Variants in CSGALNACT1 observed in about 807,000 individuals in gnomAD.
The protein encoded by CSGALNACT1 is beta4GalNAcT-1.
Under a neutral mutation model 51.0 loss-of-function variants are expected in CSGALNACT1, and 52 were observed. That is an observed-to-expected ratio of 1.02 (90% CI 0.82 to 1.29). The LOEUF (loss-of-function observed/expected upper bound fraction) is 1.29. CSGALNACT1 is among the 50% of genes most tolerant of loss of function. CSGALNACT1 has a pLI of 0.00. For synonymous variants in CSGALNACT1, 341 were observed against 254.4 expected (o/e 1.34, Z -3.24); for missense variants, 935 against 679.2 (o/e 1.38, Z -4.19).
In CSGALNACT1 at chr8:19,600,044, A is replaced by G. The variant is rs529331823; in HGVS notation, c.-416+1727T>C. Reference sequence around the variant, plus strand: ...TATCCTTCATAGAGCTTGCTCCACCATGGTTCATTCTTGGTCAATTGCTGC... The same window carrying G: ...TATCCTTCATAGAGCTTGCTCCACCGTGGTTCATTCTTGGTCAATTGCTGC... On this transcript the variant is annotated intron_variant, in intron 2 of 9. Transcript: ENST00000454498. Among the ~76,000 whole-genome samples, 3 of 152,234 alleles carry G rather than the reference A, an allele frequency of 2.0e-5. No homozygotes were observed. In the South Asian group the frequency reaches 6.2e-4, roughly 32 times the overall value.
chr8:19,425,611 TC>T (rs1412432747), intron 6 of CSGALNACT1, among the ~76,000 whole-genome samples: 1 of 152,140 alleles, frequency 6.6e-6, no homozygotes, highest in African/African-American at 2.4e-5. Context: ...CTGCTCTCCA[TC>T]CCTTTGTTCG....
chr8:19,531,469 T>G (rs1014442126), intron 3 of CSGALNACT1, among the ~76,000 whole-genome samples: 1 of 152,230 alleles, frequency 6.6e-6, no homozygotes, highest in African/African-American at 2.4e-5. Context: ...TTCATTTATT[T>G]AAGTTCCCTT....
intron 4 of CSGALNACT1, chr8:19,495,033 A>G (rs2075199785): frequency 1.3e-5 from 2 of 152,114 alleles, no homozygotes; most frequent in African/African-American, 4.8e-5. Context: ...CTCAGCAGAT[A>G]CTCACTCCGA....
At chr8:19,663,198 T>C (rs748650258) in intron 1 of CSGALNACT1, among the ~76,000 whole-genome samples, 9 of 152,118 alleles carry the variant, frequency 5.9e-5, no homozygotes, top group Admixed American at 1.3e-4. Flanking sequence ...CAGCAGTCTA[T>C]TAAAAAAGAT....
chr8:19,674,637 G>A (rs1467192261), intron 1 of CSGALNACT1, among the ~76,000 whole-genome samples: 1 of 152,176 alleles, frequency 6.6e-6, no homozygotes, highest in African/African-American at 2.4e-5. Context: ...GGTAAGCAGT[G>A]ATTGGTGGAG....
intron 4 of CSGALNACT1, among the ~76,000 whole-genome samples, chr8:19,494,232 A>T (rs2075016359): frequency 6.6e-6 from 1 of 152,094 alleles, no homozygotes; most frequent in Admixed American, 6.6e-5. Context: ...GGATCTCCAG[A>T]TCAACCAGCT....
chr8:19,525,615 CAAAAA>C (rs34787475), intron 3 of CSGALNACT1, among the ~76,000 whole-genome samples: 7 of 20,378 alleles, frequency 3.4e-4, no homozygotes, highest in South Asian at 3.2e-3. Context: ...AAACTTGTCC[CAAAAA>C]AAAAAAAAAA....
chr8:19,618,502 C>T (rs547515391), intron 1 of CSGALNACT1, among the ~76,000 whole-genome samples: 2 of 151,486 alleles, frequency 1.3e-5, no homozygotes, highest in East Asian at 3.9e-4. Flanking sequence ...TAGCCAGGCT[C>T]AGTGGTGGCC....
chr8:19,435,952 C>T (rs1381326199), intron 6 of CSGALNACT1, among the ~76,000 whole-genome samples: 2 of 152,092 alleles, frequency 1.3e-5, no homozygotes, highest in Non-Finnish European at 2.9e-5. Context: ...ACTTGTGCTT[C>T]ACTCTGATAT....
intron 1 of CSGALNACT1, among the ~76,000 whole-genome samples, chr8:19,621,445 C>T (rs1388975220): frequency 1.3e-5 from 2 of 151,972 alleles, no homozygotes; most frequent in African/African-American, 4.8e-5. Flanking sequence ...AAGTGTACTT[C>T]CAACATGAAT....
At chr8:19,604,914 C>CAA (rs576342135), upstream of CSGALNACT1, among the ~76,000 whole-genome samples, 935 of 64,378 alleles carry the variant, frequency 0.015, 27 homozygotes, top group African/African-American at 0.044. Context: ...GACTCTGTCT[C>CAA]AAAAAAAAAA....
chr8:19,577,261 A>C (rs374593288), intron 3 of CSGALNACT1, among the ~76,000 whole-genome samples: 25 of 152,030 alleles, frequency 1.6e-4, no homozygotes, highest in African/African-American at 5.3e-4. Flanking sequence ...GTCGTGTGGC[A>C]TAAGAAAATC....
intron 3 of CSGALNACT1, among the ~76,000 whole-genome samples, chr8:19,513,384 T>C (rs983332564): frequency 2.1e-5 from 3 of 145,884 alleles, no homozygotes; most frequent in African/African-American, 7.5e-5. Flanking sequence ...CTACACCCAG[T>C]ACATTCTGTT....
intron 1 of CSGALNACT1, among the ~76,000 whole-genome samples, chr8:19,711,774 C>T (rs2062519533): frequency 6.6e-6 from 1 of 152,158 alleles, no homozygotes; most frequent in African/African-American, 2.4e-5. Flanking sequence ...CCACCTGTAG[C>T]CACTTCACTC....
chr8:19,689,941 A>T (rs911080825), intron 1 of CSGALNACT1, among the ~76,000 whole-genome samples: 1 of 152,218 alleles, frequency 6.6e-6, no homozygotes, highest in Admixed American at 6.5e-5. Context: ...ACCAACCGCC[A>T]ATGCCTGATC....
At chr8:19,709,357 G>A (rs1341607956) in intron 1 of CSGALNACT1, among the ~76,000 whole-genome samples, 1 of 152,206 alleles carries the variant, frequency 6.6e-6, no homozygotes. Context: ...CTGCCTTCAA[G>A]GGGCTTATAT....
At chr8:19,528,125 C>T (rs2082057408) in intron 3 of CSGALNACT1, among the ~76,000 whole-genome samples, 1 of 152,122 alleles carries the variant, frequency 6.6e-6, no homozygotes, top group Non-Finnish European at 1.5e-5. Flanking sequence ...GTAGGTTTGA[C>T]ACAGGGCTAT....
chr8:19,654,893 A>C (rs2058122333), intron 1 of CSGALNACT1, among the ~76,000 whole-genome samples: 1 of 152,110 alleles, frequency 6.6e-6, no homozygotes, highest in Admixed American at 6.6e-5. Context: ...GTATCGAATA[A>C]AGCAAAATAT....
At chr8:19,754,179 C>T (rs530440592) in intron 1 of CSGALNACT1, among the ~76,000 whole-genome samples, 1 of 152,172 alleles carries the variant, frequency 6.6e-6, no homozygotes, top group Non-Finnish European at 1.5e-5. Context: ...AGGCATGTGC[C>T]ACCATGCCCA....
Sources: allele counts gnomAD v4.1 joint callset (sites outside exome capture counted in the v4.1 genomes callset), GRCh38; gene constraint gnomAD v4.1.1; transcripts MANE v1.5; gene names NCBI Gene and HGNC (gene_info 2026-07-23, HGNC 2026-07-21).